The following VWA3B variants were observed in gnomAD, a reference collection of about 807,000 sequenced individuals.
The protein encoded by VWA3B is von Willebrand factor A domain-containing protein 3B.
A neutral mutation model predicts 158.3 loss-of-function variants in VWA3B; 138 were observed. The observed-to-expected ratio is 0.87, with a 90% CI of 0.76 to 1.00. The LOEUF (loss-of-function observed/expected upper bound fraction) is 1.00. Among genes scored for constraint, VWA3B ranks in the 50% least tolerant of loss-of-function variants. VWA3B has a pLI of 0.00. For missense variants in VWA3B, 1,555 were observed against 1,565.1 expected (o/e 0.99, Z 0.11); for synonymous variants, 596 against 587.3 (o/e 1.01, Z -0.21).
intron 7 of VWA3B, among the ~76,000 whole-genome samples, chr2:98,142,557 A>G (rs1380881687): frequency 6.6e-6 from 1 of 152,196 alleles, no homozygotes; most frequent in Non-Finnish European, 1.5e-5. Context: ...GTTTGCAATG[A>G]GCCTGGTATC....
intron 22 of VWA3B, among the ~76,000 whole-genome samples, chr2:98,276,098 T>C (rs576074322): frequency 1.1e-3 from 161 of 152,308 alleles, no homozygotes; most frequent in African/African-American, 3.5e-3. Context: ...GGAACGCCGA[T>C]GTTCCAGCAT....
At chr2:98,317,830 C>T (rs376222132), downstream of VWA3B, among the ~76,000 whole-genome samples, 1 of 152,214 alleles carries the variant, frequency 6.6e-6, no homozygotes, top group Admixed American at 6.5e-5. Flanking sequence ...CATGGTCACT[C>T]ATATTTGGCT....
chr2:98,225,430 A>G (rs1684843195), intron 14 of VWA3B, among the ~76,000 whole-genome samples: 1 of 152,208 alleles, frequency 6.6e-6, no homozygotes, highest in South Asian at 2.1e-4. Context: ...CTCTCAGCAA[A>G]ATAGAAATAG....
intron 8 of VWA3B, among the ~76,000 whole-genome samples, chr2:98,163,611 A>G (rs1678829653): frequency 1.3e-5 from 2 of 152,222 alleles, no homozygotes; most frequent in African/African-American, 4.8e-5. Flanking sequence ...AAGGAAAACC[A>G]GACCTCTGTA....
At chr2:98,134,798 C>T (rs1013386838) in intron 7 of VWA3B, among the ~76,000 whole-genome samples, 1 of 151,794 alleles carries the variant, frequency 6.6e-6, no homozygotes, top group Non-Finnish European at 1.5e-5. Context: ...ATTTACGTAA[C>T]GGTGCTGCAA....
intron 19 of VWA3B, among the ~76,000 whole-genome samples, chr2:98,239,709 C>G (rs922026959): frequency 4.0e-5 from 6 of 151,752 alleles, no homozygotes; most frequent in South Asian, 2.1e-4. Context: ...GTCAGGAGAT[C>G]GAGACCATCC....
At chr2:98,187,865 A>T in intron 9 of VWA3B, 110 bp from the exon 10 acceptor site, 1 of 1,116,166 alleles carries the variant, frequency 9.0e-7, no homozygotes, top group African/African-American at 1.6e-5. Flanking sequence ...GATTGACGGT[A>T]GAGTGGAGTG....
At chr2:98,151,736 A>G (rs1010011202) in intron 7 of VWA3B, among the ~76,000 whole-genome samples, 2 of 152,220 alleles carry the variant, frequency 1.3e-5, no homozygotes, top group African/African-American at 4.8e-5. Flanking sequence ...TTTCTGAGCT[A>G]TGTTTCCTCA....
intron 23 of VWA3B, among the ~76,000 whole-genome samples, chr2:98,296,678 C>T (rs1481588545): frequency 6.6e-6 from 1 of 152,140 alleles, no homozygotes. Context: ...CAGCGGGACG[C>T]GTGTGCTCAT....
At chr2:98,135,055 G>C (rs1391834095) in intron 7 of VWA3B, among the ~76,000 whole-genome samples, 1 of 152,108 alleles carries the variant, frequency 6.6e-6, no homozygotes, top group East Asian at 1.9e-4. Flanking sequence ...GCTAATCTAA[G>C]AAGAAATTAA....
chr2:98,190,818 T>A (rs1246668223), intron 10 of VWA3B, among the ~76,000 whole-genome samples: 1 of 152,150 alleles, frequency 6.6e-6, no homozygotes, highest in African/African-American at 2.4e-5. Flanking sequence ...GTGATATACC[T>A]GGGTGTAGTT....
chr2:98,228,947 C>CT (rs1254713867), intron 15 of VWA3B: 2 of 152,058 alleles, frequency 1.3e-5, no homozygotes, highest in Non-Finnish European at 2.9e-5. Flanking sequence ...CAGGAGATGT[C>CT]TTTTTTATTT....
chr2:98,256,517 T>C (rs1368017445), intron 21 of VWA3B, among the ~76,000 whole-genome samples: 1 of 152,186 alleles, frequency 6.6e-6, no homozygotes, highest in African/African-American at 2.4e-5. Flanking sequence ...AAAAACCTCA[T>C]GTTTTTAAGG....
chr2:98,162,888 A>G lies in VWA3B; in HGVS notation c.1026A>G (p.Gln342=). Residue 342 remains glutamine (Q), a synonymous_variant, in exon 8 of 28, where the codon CAA becomes CAG. Coordinates refer to ENST00000477737, the MANE Select transcript of VWA3B (RefSeq NM_144992.5). ...GAGAGGACGTGTTTCTCGTTTGGCA[A>G]GAGATGGAGGAAGCCTGCAGCACGC... ...GVREDVFLVW[Q]EMEEACSTLA... 6.2e-7 allele frequency: 1 copy of G among 1,613,906 alleles called. No homozygotes were observed.
chr2:98,164,071 C>G (rs572787497), intron 8 of VWA3B, among the ~76,000 whole-genome samples: 1 of 152,114 alleles, frequency 6.6e-6, no homozygotes, highest in Non-Finnish European at 1.5e-5. Flanking sequence ...TTGACCCTTG[C>G]CTGCAGACAA....
intron 2 of VWA3B, 48 bp from the exon 3 acceptor site, chr2:98,115,603 GT>G: frequency 7.1e-7 from 1 of 1,408,144 alleles, no homozygotes; most frequent in African/African-American, 1.4e-5. Flanking sequence ...AAATAGGAAG[GT>G]TCACTCATGT....
At position 98,217,964 on chromosome 2, in the gene VWA3B, C is replaced by G; in HGVS notation, c.1955C>G (p.Thr652Ser). The change falls in exon 14 of 28, where the codon ACT becomes AGT. Residue 652 changes from threonine to serine, a missense_variant. Transcript: ENST00000477737. ...TTTTTGAAAGAGGTTGCTGCTTTGA[C>G]TGGAGGAGAGTTCCATTTTTATAAT... ...NRFLKEVAAL[T>S]GGEFHFYNFG... 7 of 1,613,622 alleles carry G rather than the reference C, an allele frequency of 4.3e-6. No individual in the cohort carries two copies. Among genetic ancestry groups the G allele is most frequent in the South Asian group, 1.1e-5 (1 of 91,028 alleles).
chr2:98,174,920 T>C (rs1286751555), intron 8 of VWA3B, among the ~76,000 whole-genome samples: 1 of 152,208 alleles, frequency 6.6e-6, no homozygotes, highest in African/African-American at 2.4e-5. Context: ...TGTTCAATTA[T>C]TAGCTGACCA....
At chr2:98,150,087 A>G (rs6748458) in intron 7 of VWA3B, among the ~76,000 whole-genome samples, 37,539 of 152,112 alleles carry the variant, frequency 0.25, 5,838 homozygotes, top group African/African-American at 0.44. Flanking sequence ...ATAGTTCCTT[A>G]TATCAATGCT....
Sources: allele counts gnomAD v4.1 joint callset (sites outside exome capture counted in the v4.1 genomes callset), GRCh38; gene constraint gnomAD v4.1.1; transcripts MANE v1.5; gene names NCBI Gene and HGNC (gene_info 2026-07-23, HGNC 2026-07-21).